Variants in SLC2A9 observed in about 807,000 individuals in gnomAD.
The protein encoded by SLC2A9 is solute carrier family 2 member 9.
A neutral mutation model predicts 50.6 loss-of-function variants in SLC2A9; 39 were observed. The ratio of observed to expected loss-of-function variants is 0.77; its 90% CI spans 0.60 to 1.01. The LOEUF is 1.01. Ranked by LOEUF, SLC2A9 falls within the 50% of genes least tolerant of loss-of-function variation. The probability of loss-of-function intolerance (pLI) is 0.00; values close to 1 mark genes in which losing one functional copy is unlikely to be tolerated. For missense variants in SLC2A9, 686 were observed against 677.6 expected (o/e 1.01, Z -0.14); for synonymous variants, 324 against 276.9 (o/e 1.17, Z -1.69).
At chr4:10,000,484 G>T (rs111459781) in intron 2 of SLC2A9, among the ~76,000 whole-genome samples, 2,243 of 152,278 alleles carry the variant, frequency 0.015, 47 homozygotes, top group Admixed American at 0.059. Context: ...TGGCCCATCT[G>T]GTGACTCAGT....
intron 10 of SLC2A9, among the ~76,000 whole-genome samples, chr4:9,881,456 C>G (rs969969096): frequency 2.6e-5 from 4 of 152,242 alleles, no homozygotes; most frequent in Non-Finnish European, 5.9e-5. Context: ...TCCTCCTTCC[C>G]TACCTCACCA....
chr4:9,961,755 A>C (rs1030630280), intron 5 of SLC2A9, among the ~76,000 whole-genome samples: 2 of 152,214 alleles, frequency 1.3e-5, no homozygotes, highest in African/African-American at 4.8e-5. Context: ...ACAAAAAACT[A>C]TCATCAGAGA....
Position 10,021,459 on chromosome 4 carries a change from T to C in SLC2A9, c.-30A>G, listed in dbSNP as rs1319225134. On this transcript the variant is annotated 5_prime_UTR_variant, in exon 1 of 12. Transcript: ENST00000264784. The stretch of plus-strand genomic sequence containing the variant: ...CTCAGTGACCCAGCTGATGGCTCAG[T>C]CCAGGGACCCCAGACTCTGCCAAGG... 2.5e-6 allele frequency: 4 copies of C among 1,613,750 alleles called. No homozygotes were observed. Among genetic ancestry groups the C allele is most frequent in the Non-Finnish European group, 3.4e-6 (4 of 1,179,938 alleles).
upstream of SLC2A9, among the ~76,000 whole-genome samples, chr4:10,021,983 C>T (rs61112052): frequency 4.2e-3 from 643 of 152,172 alleles, 16 homozygotes; most frequent in East Asian, 0.07. Context: ...GAACTATAGG[C>T]GTGTGCCACC....
intron 10 of SLC2A9, chr4:9,879,413 G>A: frequency 1.0e-6 from 1 of 984,658 alleles, no homozygotes; most frequent in South Asian, 4.7e-5. Flanking sequence ...TGTGCGTGTG[G>A]GGCAGGGGGC....
intron 10 of SLC2A9, among the ~76,000 whole-genome samples, chr4:9,837,374 C>T (rs1003906975): frequency 3.9e-5 from 6 of 152,228 alleles, no homozygotes; most frequent in African/African-American, 1.4e-4. Context: ...GTTTGTGTCA[C>T]ACACTCAGTT....
At chr4:9,874,623 G>A (rs553842064) in intron 10 of SLC2A9, among the ~76,000 whole-genome samples, 2 of 152,372 alleles carry the variant, frequency 1.3e-5, no homozygotes, top group Admixed American at 6.5e-5. Flanking sequence ...TGGATGTTGT[G>A]TAATCCCAGC....
chr4:9,797,925 C>A (rs1720782794), downstream of SLC2A9, among the ~76,000 whole-genome samples: 1 of 152,226 alleles, frequency 6.6e-6, no homozygotes, highest in Non-Finnish European at 1.5e-5. Context: ...TTCTCCTATT[C>A]CACCTCCACA....
At chr4:9,790,167 A>G (rs1195802556) in intron 3 of SLC2A9, among the ~76,000 whole-genome samples, 1 of 152,204 alleles carries the variant, frequency 6.6e-6, no homozygotes, top group East Asian at 1.9e-4. Context: ...GGCTTTACAC[A>G]ACTCTTTGGA....
chr4:9,979,700 G>C (rs971778991), intron 5 of SLC2A9, among the ~76,000 whole-genome samples: 3 of 151,940 alleles, frequency 2.0e-5, no homozygotes, highest in Non-Finnish European at 4.4e-5. Flanking sequence ...TTCTAACACT[G>C]ATCTGGCCAT....
chr4:9,969,706 G>A (rs1753591030), intron 5 of SLC2A9, among the ~76,000 whole-genome samples: 1 of 152,196 alleles, frequency 6.6e-6, no homozygotes, highest in Admixed American at 6.5e-5. Context: ...GTCTTACATG[G>A]CGGCAGGCAA....
chr4:9,817,055 T>C (rs1205060151), intron 3 of SLC2A9, among the ~76,000 whole-genome samples: 1 of 152,148 alleles, frequency 6.6e-6, no homozygotes, highest in Admixed American at 6.5e-5. Flanking sequence ...CAGTGCAGCA[T>C]CTTCAAATCT....
At chr4:9,877,606 T>C (rs1734511521) in intron 10 of SLC2A9, among the ~76,000 whole-genome samples, 1 of 152,186 alleles carries the variant, frequency 6.6e-6, no homozygotes, top group Non-Finnish European at 1.5e-5. Context: ...TACTTATTCA[T>C]TCCCAGGTCT....
intron 5 of SLC2A9, among the ~76,000 whole-genome samples, chr4:9,963,217 C>T (rs950190563): frequency 2.0e-5 from 3 of 152,180 alleles, no homozygotes; most frequent in Non-Finnish European, 2.9e-5. Flanking sequence ...GGCTTATTCA[C>T]TACCATGAGA....
chr4:9,876,007 T>C (rs1734262611), intron 10 of SLC2A9, among the ~76,000 whole-genome samples: 1 of 152,202 alleles, frequency 6.6e-6, no homozygotes, highest in Non-Finnish European at 1.5e-5. Context: ...AAATAGTTTT[T>C]GATAAAAGCG....
intron 10 of SLC2A9, 28 bp downstream of exon 10, chr4:9,887,539 G>A (rs2109740820): frequency 1.3e-6 from 2 of 1,545,384 alleles, no homozygotes; most frequent in Middle Eastern, 2.1e-4. Flanking sequence ...TCCCTGGGCG[G>A]GGCAGTGGGG....
chr4:9,948,623 G>C (rs546741235), intron 5 of SLC2A9, among the ~76,000 whole-genome samples: 37 of 152,202 alleles, frequency 2.4e-4, no homozygotes, highest in Non-Finnish European at 4.1e-4. Context: ...ATGGCTGACT[G>C]ATGTGGGGGC....
intron 1 of SLC2A9, among the ~76,000 whole-genome samples, chr4:10,038,934 A>C (rs1433690020): frequency 6.6e-6 from 1 of 152,222 alleles, no homozygotes; most frequent in Non-Finnish European, 1.5e-5. Context: ...AAATAGTCTC[A>C]TCTAAGCTAG....
At position 9,890,604 on chromosome 4, in the gene SLC2A9, T is replaced by C. The variant is rs1737202302; in HGVS notation, c.1215+6A>G. 1.9e-6 allele frequency: 3 copies of C among 1,613,504 alleles called. No homozygotes were observed. The Admixed American group carries it at 5.0e-5, about 27-fold the overall frequency. The stretch of plus-strand genomic sequence containing the variant: ...TCCCTCAAATGTGACAAGAACATCG[T>C]CTCACCTGCAGGGTCAGCGTGATGG... On this transcript the variant is annotated splice_donor_region_variant and intron_variant, in intron 9 of 11. Transcript: ENST00000264784.
Sources: gnomAD v4.1 joint callset for allele counts (sites outside exome capture counted in the v4.1 genomes callset) on GRCh38, gnomAD v4.1.1 for gene constraint, MANE v1.5 for transcripts, NCBI Gene and HGNC (gene_info 2026-07-23, HGNC 2026-07-21) for gene names.